Variants in TNFSF4 observed in about 807,000 individuals in gnomAD.
TNFSF4 encodes the protein tumor necrosis factor ligand superfamily member 4.
In TNFSF4, 4 loss-of-function variants were observed where a neutral mutation model predicts 7.3. That is an observed-to-expected ratio of 0.55 (90% CI 0.27 to 1.25). The LOEUF is 1.25. Ranked by LOEUF, TNFSF4 falls within the 50% of genes most tolerant of loss-of-function variation. The probability of loss-of-function intolerance (pLI) is 0.12; values close to 1 mark genes in which losing one functional copy is unlikely to be tolerated. For missense variants in TNFSF4, 181 were observed against 208.8 expected, an observed-to-expected ratio of 0.87 and a Z score of 0.82; for synonymous variants, 76 against 83.7, an observed-to-expected ratio of 0.91 and a Z score of 0.50.
the TNFSF4 span, among the ~76,000 whole-genome samples, chr1:173,320,473 G>A: frequency 6.6e-6 from 1 of 152,096 alleles, no homozygotes; most frequent in East Asian, 1.9e-4. Flanking sequence ...GGAAGTTCTG[G>A]CCAGGGCAAT....
At chr1:173,288,060 AGTT>A in the TNFSF4 span, among the ~76,000 whole-genome samples, 1 of 152,246 alleles carries the variant, frequency 6.6e-6, no homozygotes, top group Non-Finnish European at 1.5e-5. Flanking sequence ...ATATCTTTAA[AGTT>A]TCCAAATACA....
At chr1:173,372,342 C>T in the TNFSF4 span, among the ~76,000 whole-genome samples, 1 of 152,206 alleles carries the variant, frequency 6.6e-6, no homozygotes, top group Non-Finnish European at 1.5e-5. Context: ...AAATACTCAT[C>T]TAGTAGAATG....
intron 1 of TNFSF4, among the ~76,000 whole-genome samples, chr1:173,193,768 CAAAAAAA>C (rs34461114): frequency 9.8e-6 from 1 of 101,920 alleles, no homozygotes; most frequent in Admixed American, 9.9e-5. Context: ...ATAAGTGAAG[CAAAAAAA>C]AAAAAAAAAA....
chr1:173,360,861 G>A, the TNFSF4 span, among the ~76,000 whole-genome samples: 1 of 152,258 alleles, frequency 6.6e-6, no homozygotes, highest in East Asian at 1.9e-4. Flanking sequence ...AAGGTGCAAG[G>A]CAACACATGC....
the TNFSF4 span, among the ~76,000 whole-genome samples, chr1:173,284,108 C>A: frequency 6.6e-6 from 1 of 152,122 alleles, no homozygotes; most frequent in Non-Finnish European, 1.5e-5. Context: ...AAGATTTTAA[C>A]TCTTTTTAAT....
chr1:173,403,364 G>C, the TNFSF4 span, among the ~76,000 whole-genome samples: 1 of 152,268 alleles, frequency 6.6e-6, no homozygotes, highest in Middle Eastern at 3.4e-3. Flanking sequence ...CAAACACATA[G>C]ATGCATTTTT....
the TNFSF4 span, among the ~76,000 whole-genome samples, chr1:173,362,141 C>A: frequency 6.6e-6 from 1 of 152,136 alleles, no homozygotes; most frequent in African/African-American, 2.4e-5. Flanking sequence ...TTTTTCTTAT[C>A]ATCAATACAT....
At chr1:173,298,189 A>C in the TNFSF4 span, among the ~76,000 whole-genome samples, 3 of 151,892 alleles carry the variant, frequency 2.0e-5, no homozygotes, top group African/African-American at 7.2e-5. Context: ...TCAGATGAAA[A>C]GCTTGAGTCA....
At chr1:173,286,978 T>C in the TNFSF4 span, among the ~76,000 whole-genome samples, 2 of 152,080 alleles carry the variant, frequency 1.3e-5, no homozygotes, top group African/African-American at 4.8e-5. Context: ...AATAAATATA[T>C]TAAAATGTGC....
chr1:173,433,323 T>C, the TNFSF4 span, among the ~76,000 whole-genome samples: 1 of 152,166 alleles, frequency 6.6e-6, no homozygotes, highest in African/African-American at 2.4e-5. Context: ...ACTTGCAGTA[T>C]AGTCTTAAGG....
the TNFSF4 span, among the ~76,000 whole-genome samples, chr1:173,441,022 A>C: frequency 6.6e-6 from 1 of 152,228 alleles, no homozygotes; most frequent in Non-Finnish European, 1.5e-5. Context: ...TGGAAATAAA[A>C]ATAAAAGCTT....
chr1:173,373,547 G>T, the TNFSF4 span, among the ~76,000 whole-genome samples: 1 of 152,188 alleles, frequency 6.6e-6, no homozygotes, highest in Non-Finnish European at 1.5e-5. Context: ...CTTTTCACAC[G>T]GGTATAGAGA....
chr1:173,278,940 A>G, the TNFSF4 span, among the ~76,000 whole-genome samples: 2 of 152,134 alleles, frequency 1.3e-5, no homozygotes, highest in African/African-American at 4.8e-5. Context: ...GAGGAACAAC[A>G]TATTTGTAAT....
chr1:173,432,108 G>A, the TNFSF4 span, among the ~76,000 whole-genome samples: 7 of 152,290 alleles, frequency 4.6e-5, no homozygotes, highest in Middle Eastern at 3.4e-3. Context: ...CATTTGGCAC[G>A]TAATAATGTG....
chr1:173,363,247 T>G, the TNFSF4 span: 1 of 293,260 alleles, frequency 3.4e-6, no homozygotes, highest in Non-Finnish European at 6.9e-6. Context: ...TAGGGAAACC[T>G]GTTTCTCTAA....
chr1:173,313,415 T>C, the TNFSF4 span, among the ~76,000 whole-genome samples: 1 of 152,118 alleles, frequency 6.6e-6, no homozygotes, highest in Non-Finnish European at 1.5e-5. Context: ...CTGTGTCTAC[T>C]TCGCTTGAGA....
At chr1:173,279,550 G>T in the TNFSF4 span, among the ~76,000 whole-genome samples, 1 of 152,018 alleles carries the variant, frequency 6.6e-6, no homozygotes, top group South Asian at 2.1e-4. Context: ...CAAATATCAT[G>T]GTCCAAAACT....
chr1:173,321,761 A>G, the TNFSF4 span, among the ~76,000 whole-genome samples: 11 of 152,318 alleles, frequency 7.2e-5, no homozygotes, highest in African/African-American at 2.6e-4. Context: ...CAAAACCACA[A>G]TGACTTACCA....
At chr1:173,320,045 G>T in the TNFSF4 span, among the ~76,000 whole-genome samples, 1 of 152,060 alleles carries the variant, frequency 6.6e-6, no homozygotes, top group South Asian at 2.1e-4. Context: ...AAACTTTCAG[G>T]CCAATATCCC....
Sources: gnomAD v4.1 joint callset for allele counts (sites outside exome capture counted in the v4.1 genomes callset) on GRCh38, gnomAD v4.1.1 for gene constraint, MANE v1.5 for transcripts, NCBI Gene and HGNC (gene_info 2026-07-23, HGNC 2026-07-21) for gene names.